Variants in DACH2 observed in about 807,000 individuals in gnomAD.
DACH2 encodes dachshund family transcription factor 2.
In DACH2, 17 loss-of-function variants were observed where a neutral mutation model predicts 35.8. The observed-to-expected ratio is 0.48, with a 90% confidence interval of 0.33 to 0.71. The LOEUF (loss-of-function observed/expected upper bound fraction) is 0.71, where lower values mean the gene tolerates loss of function less well. Among genes scored for constraint, DACH2 ranks in the 30% least tolerant of loss-of-function variants. The pLI, the probability that DACH2 is intolerant of heterozygous loss-of-function variation, is 0.02. For synonymous variants in DACH2, 195 were observed against 177.3 expected, an observed-to-expected ratio of 1.10 and a Z score of -0.79; for missense variants, 469 against 472.7, an observed-to-expected ratio of 0.99 and a Z score of 0.07.
intron 6 of DACH2, among the ~76,000 whole-genome samples, chrX:86,727,266 T>C (rs1331886111): frequency 8.9e-6 from 1 of 111,796 alleles, no homozygotes; most frequent in Non-Finnish European, 1.9e-5. Context: ...GTGTATAGTA[T>C]AATAGATTTA....
At chrX:86,706,730 C>T (rs1602825234) in intron 5 of DACH2, among the ~76,000 whole-genome samples, 1 of 109,396 alleles carries the variant, frequency 9.1e-6, no homozygotes, top group African/African-American at 3.3e-5. Context: ...TTAAACAGTA[C>T]ACTTATAAAT....
intron 7 of DACH2, among the ~76,000 whole-genome samples, chrX:86,806,435 G>C (rs113010442): frequency 0.031 from 3,431 of 111,277 alleles, 130 homozygotes; most frequent in African/African-American, 0.11. Flanking sequence ...GATTTTTGAC[G>C]TGAGATTTGT....
intron 1 of DACH2, among the ~76,000 whole-genome samples, chrX:86,324,571 CTTTTTTTTTT>C (rs56918891): frequency 2.5e-5 from 1 of 40,640 alleles, no homozygotes; most frequent in East Asian, 1.0e-3. Context: ...TCACTGTTGT[CTTTTTTTTTT>C]TTTTTTTTTT....
At chrX:86,571,378 T>C (rs1019035853) in intron 3 of DACH2, among the ~76,000 whole-genome samples, 2 of 110,580 alleles carry the variant, frequency 1.8e-5, no homozygotes, top group Non-Finnish European at 3.8e-5. Context: ...ACATGTGCCA[T>C]GTTGGTGTGC....
chrX:86,198,737 G>C (rs1266818049), intron 1 of DACH2, among the ~76,000 whole-genome samples: 2 of 110,841 alleles, frequency 1.8e-5, no homozygotes, highest in Non-Finnish European at 3.8e-5. Flanking sequence ...TCCTCAAATA[G>C]ACCAATAATG....
At chrX:86,153,591 G>T (rs1050472678) in intron 1 of DACH2, among the ~76,000 whole-genome samples, 4 of 111,405 alleles carry the variant, frequency 3.6e-5, no homozygotes, top group Non-Finnish European at 7.6e-5. Flanking sequence ...TACATTTTCA[G>T]TAATGATAAA....
Position 86,273,577 on chromosome X carries a change from A to C in DACH2, c.489-103247A>C, listed in dbSNP as rs73516048. 7.4e-3 allele frequency among the ~76,000 whole-genome samples: 828 copies of C among 112,194 alleles called. 5 individuals carry two copies. Among genetic ancestry groups the C allele is most frequent in the African/African-American group, 0.026 (808 of 30,981 alleles). On this transcript the variant is annotated intron_variant, in intron 1 of 11. Coordinates refer to ENST00000373125, the MANE Select transcript of DACH2 (RefSeq NM_053281.3). ...TCAAGCAAATATTCCATCAGACAAA[A>C]TGAAAAATTATTAAAAAGAGTTTCA...
intron 7 of DACH2, among the ~76,000 whole-genome samples, chrX:86,789,655 T>A (rs5923643): frequency 0.3 from 32,741 of 110,842 alleles, 3,835 homozygotes; most frequent in Middle Eastern, 0.4. Flanking sequence ...AGCTCTACCT[T>A]GGTTCTAATA....
intron 2 of DACH2, among the ~76,000 whole-genome samples, chrX:86,468,015 C>T: frequency 9.0e-6 from 1 of 110,906 alleles, no homozygotes; most frequent in Non-Finnish European, 1.9e-5. Context: ...GGGATGTAGC[C>T]AAACCATATC....
At chrX:86,772,342 G>C (rs941956131) in intron 7 of DACH2, among the ~76,000 whole-genome samples, 1 of 111,552 alleles carries the variant, frequency 9.0e-6, no homozygotes, top group Non-Finnish European at 1.9e-5. Context: ...GAAGCTTGAA[G>C]TCAGTTCCAG....
intron 1 of DACH2, among the ~76,000 whole-genome samples, chrX:86,340,103 G>A (rs371001228): frequency 9.0e-6 from 1 of 111,586 alleles, no homozygotes; most frequent in Admixed American, 9.5e-5. Flanking sequence ...TACTTTTTAC[G>A]TTTGGCTTGG....
At chrX:86,614,395 A>G (rs2039981514) in intron 3 of DACH2, among the ~76,000 whole-genome samples, 1 of 111,695 alleles carries the variant, frequency 9.0e-6, no homozygotes, top group Admixed American at 9.5e-5. Flanking sequence ...TAAGAAAAAT[A>G]TAATATTGTG....
chrX:86,701,866 G>A (rs1364167794), intron 5 of DACH2, among the ~76,000 whole-genome samples: 1 of 111,302 alleles, frequency 9.0e-6, no homozygotes, highest in Non-Finnish European at 1.9e-5. Flanking sequence ...GCCTACTGGA[G>A]GGTGGAGGGT....
intron 3 of DACH2, among the ~76,000 whole-genome samples, chrX:86,637,981 G>A (rs372764703): frequency 2.7e-4 from 30 of 111,610 alleles, no homozygotes; most frequent in East Asian, 2.5e-3. Context: ...AAGAACAAGG[G>A]CAGAGGTATC....
intron 3 of DACH2, among the ~76,000 whole-genome samples, chrX:86,553,074 C>T (rs2039072116): frequency 9.0e-6 from 1 of 110,851 alleles, no homozygotes; most frequent in South Asian, 3.8e-4. Flanking sequence ...CTCACACAAT[C>T]ACGAGGTGAA....
At chrX:86,547,182 C>A (rs2038987512) in intron 3 of DACH2, among the ~76,000 whole-genome samples, 2 of 111,027 alleles carry the variant, frequency 1.8e-5, no homozygotes, top group South Asian at 3.8e-4. Context: ...GAGAGAATCC[C>A]GATTATGTAA....
intron 2 of DACH2, among the ~76,000 whole-genome samples, chrX:86,457,578 A>G (rs1429613741): frequency 3.6e-5 from 4 of 112,595 alleles, no homozygotes; most frequent in African/African-American, 1.3e-4. Flanking sequence ...GTTTTGTTTT[A>G]GGTCCGAGGA....
chrX:86,409,842 G>A (rs1338490485), intron 2 of DACH2, among the ~76,000 whole-genome samples: 1 of 112,260 alleles, frequency 8.9e-6, no homozygotes, highest in Non-Finnish European at 1.9e-5. Flanking sequence ...ATTTCAAATT[G>A]TTAAATGCCA....
intron 2 of DACH2, among the ~76,000 whole-genome samples, chrX:86,443,536 G>A (rs1216321086): frequency 9.3e-6 from 1 of 107,346 alleles, no homozygotes; most frequent in Admixed American, 1.0e-4. Flanking sequence ...TAGTTTCTCT[G>A]GTTAGGGATA....
Sources: gnomAD v4.1 joint callset for allele counts (sites outside exome capture counted in the v4.1 genomes callset) on GRCh38, gnomAD v4.1.1 for gene constraint, MANE v1.5 for transcripts, NCBI Gene and HGNC (gene_info 2026-07-23, HGNC 2026-07-21) for gene names.